E4F1: variants seen among roughly 807,000 people sequenced by gnomAD.
E4F1 encodes the protein E4F transcription factor 1.
E4F1 carries 30 observed loss-of-function variants against 72.9 expected under a neutral mutation model. That is an observed-to-expected ratio of 0.41 (90% confidence interval 0.31 to 0.56). The LOEUF (loss-of-function observed/expected upper bound fraction) is 0.56, where lower values mean the gene tolerates loss of function less well. E4F1 is among the 20% of genes least tolerant of loss of function. The probability of loss-of-function intolerance (pLI) is 0.25; values close to 1 mark genes in which losing one functional copy is unlikely to be tolerated. For synonymous variants in E4F1, 542 were observed against 478.2 expected (o/e 1.13, Z -1.74); for missense variants, 1,091 against 1,117.5 (o/e 0.98, Z 0.34).
intron 1 of E4F1, among the ~76,000 whole-genome samples, chr16:2,227,027 TTTTG>T (rs1459196600): frequency 7.9e-5 from 12 of 152,082 alleles, no homozygotes; most frequent in South Asian, 2.1e-4. Context: ...CTCCCGCAGT[TTTTG>T]TTTGTTTGTT....
chr16:2,230,783 CAG>C (rs556467331), intron 3 of E4F1: 38 of 149,410 alleles, frequency 2.5e-4, no homozygotes, highest in African/African-American at 8.4e-4. Context: ...CAATGCCACT[CAG>C]AGCTCGGAAT....
chr16:2,224,148 T>C (rs2093416772), intron 1 of E4F1, among the ~76,000 whole-genome samples: 1 of 152,162 alleles, frequency 6.6e-6, no homozygotes. Flanking sequence ...TCTAGGGCCC[T>C]GTTGGTGGTT....
At position 2,228,309 on chromosome 16, in the gene E4F1, G is replaced by A. The variant is rs747806181; in HGVS notation, c.158-63G>A. On this transcript the variant is annotated intron_variant, in intron 1 of 13. Transcript: ENST00000301727. ...TGTTCTAGGGCTGGAGGAAAAGCCA[G>A]ACGGAGCCCTGGCTGCCCAGCCTCC... is the stretch of plus-strand genomic sequence containing the variant. 6 of 1,603,424 alleles carry A rather than the reference G, an allele frequency of 3.7e-6. No individual in the cohort carries two copies. The African/African-American group carries it at 8.0e-5, about 21-fold the overall frequency.
rs770711229 is a variant in E4F1, at chr16:2,234,257, G to A, written c.1462G>A (p.Glu488Lys). The change falls in exon 10 of 14, where the codon GAG (glutamate) becomes AAG (lysine). Residue 488 changes from glutamate to lysine, a missense_variant. Transcript: ENST00000301727. ...GAAGCACCAGGAGGTGCACGTGCGT[G>A]AGCGCCGCTTCCGCTGTGGCGACTG... The part of the protein sequence containing the change: ...LKKHQEVHVR[E>K]RRFRCGDCGK... 1 of 1,612,880 alleles carries A rather than the reference G, an allele frequency of 6.2e-7. No individual in the cohort carries two copies. Among genetic ancestry groups the A allele is most frequent in the East Asian group, 2.2e-5 (1 of 44,880 alleles).
Position 2,224,689 on chromosome 16 carries a change from C to A in E4F1, c.157+919C>A, listed in dbSNP as rs2093421085. Among the ~76,000 whole-genome samples, 2 of 151,598 alleles carry A rather than the reference C, an allele frequency of 1.3e-5. 1 individual carries two copies. Among genetic ancestry groups the A allele is most frequent in the South Asian group, 4.2e-4 (2 of 4,800 alleles). ...GGCGCCTGTAGTGGGGAGGCTGAGG[C>A]GGAGAATGGCGTGAACTCGGGAGGT... On this transcript the variant is annotated intron_variant, in intron 1 of 13. Transcript: ENST00000301727.
rs1225656282 is a variant in E4F1, at chr16:2,234,608, C to T, written c.1619C>T (p.Thr540Ile). The T allele has an allele frequency of 6.3e-7, 1 of 1,599,862 alleles. No homozygotes were observed. Among genetic ancestry groups the T allele is most frequent in the Admixed American group, 1.7e-5 (1 of 58,746 alleles). Reference sequence around the variant, plus strand: ...AACGCACAGCAGGTGCACTTCAGGACACACCTGGAGGAGAAGCCGCACGTG... The same window carrying T: ...AACGCACAGCAGGTGCACTTCAGGATACACCTGGAGGAGAAGCCGCACGTG... Reference protein sequence around the residue: ...TKNAQQVHFRTHLEEKPHVCQ... With the variant: ...TKNAQQVHFRIHLEEKPHVCQ... The change falls in exon 11 of 14, where the codon ACA becomes ATA. Residue 540 changes from threonine to isoleucine, a missense_variant. Transcript: ENST00000301727.
Position 2,235,639 on chromosome 16 carries a change from C to T in E4F1, c.*67C>T, listed in dbSNP as rs1168285952. On this transcript the variant is annotated 3_prime_UTR_variant, in exon 14 of 14. Coordinates refer to ENST00000301727, the MANE Select transcript of E4F1 (RefSeq NM_004424.5). ...AGGACTCTGAGCGCCCCACCCATGC[C>T]TGCCTGGCCTGGTAGAGAAGATGGC... The T allele has an allele frequency of 1.0e-5, 14 of 1,376,010 alleles. No homozygotes were observed. The highest frequency in any genetic ancestry group is 4.9e-5 in the Admixed American group (2 of 40,658). 85.2% of individuals were successfully genotyped at this position (1,376,010 alleles called of 1,614,324 possible). A position where few individuals can be genotyped will look rare whatever the true frequency, so the allele number is the denominator to read the frequency against.
chr16:2,234,932 G>T lies in E4F1; in HGVS notation c.1866G>T (p.Thr622=). ...DSPAAATTVL[T]EDPHTVLVEF... ...CCGCGGCAGCCACCACCGTCCTCAC[G>T]GAAGACCCGCACACAGTGTTGGTGG... The change falls in exon 12 of 14, where the codon ACG becomes ACT. Residue 622 remains threonine (T), a synonymous_variant. Transcript: ENST00000301727. 2 of 1,567,972 alleles carry T rather than the reference G, an allele frequency of 1.3e-6. No homozygotes were observed. The highest frequency in any genetic ancestry group is 1.7e-6 in the Non-Finnish European group (2 of 1,156,360).
At position 2,233,914 on chromosome 16, in the gene E4F1, G is replaced by A. The variant is rs1303291099; in HGVS notation, c.1299G>A (p.Arg433=). The change falls in exon 9 of 14, where the codon AGG becomes AGA. Residue 433 remains arginine (R), a synonymous_variant. Coordinates refer to ENST00000301727, the MANE Select transcript of E4F1 (RefSeq NM_004424.5). ...CCAGCGAGGCCTCAGCGGTGCCCAG[G>A]ACCCACCCATGTCCTCAGTGCAGTG... ...QVASEASAVP[R]THPCPQCSET... is the part of the protein sequence containing the mutation. The A allele has an allele frequency of 1.2e-6, 2 of 1,602,820 alleles. No individual in the cohort carries two copies. Among genetic ancestry groups the A allele is most frequent in the Non-Finnish European group, 8.5e-7 (1 of 1,175,242 alleles).
At chr16:2,229,484 T>G (rs757694388) in intron 2 of E4F1, 86 bp from the exon 3 acceptor site, 2 of 1,433,442 alleles carry the variant, frequency 1.4e-6, no homozygotes, top group Non-Finnish European at 1.9e-6. Flanking sequence ...CTCCACAGCT[T>G]TACACTGGCA....
At chr16:2,231,054 C>T (rs2093464531) in intron 3 of E4F1, 1 of 152,474 alleles carries the variant, frequency 6.6e-6, no homozygotes, top group African/African-American at 2.4e-5. Context: ...TTGCGGGCAT[C>T]CTGGGTACTC....
chr16:2,229,901 C>A (rs2093456708), intron 3 of E4F1: 1 of 533,212 alleles, frequency 1.9e-6, no homozygotes, highest in Admixed American at 3.1e-5. Flanking sequence ...ACCCAGGCAC[C>A]AGGGAGTCAT....
At chr16:2,231,718 G>A in intron 3 of E4F1, 1 of 164,320 alleles carries the variant, frequency 6.1e-6, no homozygotes. Flanking sequence ...CTGCCCTGCT[G>A]CAGTGGCCCA....
At chr16:2,229,897 G>A (rs566643474) in intron 3 of E4F1, 7 of 536,940 alleles carry the variant, frequency 1.3e-5, no homozygotes, top group African/African-American at 1.1e-4. Context: ...GCACACCCAG[G>A]CACCAGGGAG....
At chr16:2,224,728 A>T (rs1237159030) in intron 1 of E4F1, among the ~76,000 whole-genome samples, 3 of 152,052 alleles carry the variant, frequency 2.0e-5, no homozygotes, top group Non-Finnish European at 4.4e-5. Context: ...GCTTGCGGTG[A>T]GCCGAGACCG....
intron 2 of E4F1, 38 bp downstream of exon 2, chr16:2,228,561 C>T (rs1309735186): frequency 1.2e-6 from 2 of 1,600,072 alleles, no homozygotes; most frequent in African/African-American, 2.7e-5. Context: ...CTCCCGGGTT[C>T]ACCTGACAGG....
Position 2,235,248 on chromosome 16 carries a change from G to C in E4F1, c.2031G>C (p.Gln677His), listed in dbSNP as rs1244080616. 6.2e-7 allele frequency: 1 copy of C among 1,610,578 alleles called. No individual in the cohort carries two copies. The highest frequency in any genetic ancestry group is 8.5e-7 in the Non-Finnish European group (1 of 1,179,468). Residue 677 changes from glutamine to histidine, a missense_variant, in exon 14 of 14, where the codon CAG becomes CAC. Physicochemically the swap from Gln to His is conservative, Grantham distance 24 (BLOSUM62 0). This residue lies in a region of E4F1 where 622 missense variants were observed against 628.0 expected (regional missense o/e 0.99). Transcript: ENST00000301727. ...VDSHIMKVVQ[Q>H]IVHQASAGHQ... ...GCCACATCATGAAGGTGGTGCAGCAGATCGTGCACCAGGCTAGCGCCGGCC... is the reference window on the plus strand; with the variant it reads ...GCCACATCATGAAGGTGGTGCAGCACATCGTGCACCAGGCTAGCGCCGGCC...
chr16:2,223,724 G>A lies in E4F1; in HGVS notation c.111G>A (p.Leu37=). 3.2e-6 allele frequency: 5 copies of A among 1,543,806 alleles called. No homozygotes were observed. The highest frequency in any genetic ancestry group is 4.3e-6 in the Non-Finnish European group (5 of 1,156,786). Residue 37 remains leucine, a synonymous_variant, in exon 1 of 14, where the codon TTG becomes TTA. Coordinates refer to ENST00000301727, the MANE Select transcript of E4F1 (RefSeq NM_004424.5). ...CAGTTGCGGCGGTGGCGGCGGCCTTGGCCCCCAGCGGCTTCCTCGGCCTCC... is the reference window on the plus strand; with the variant it reads ...CAGTTGCGGCGGTGGCGGCGGCCTTAGCCCCCAGCGGCTTCCTCGGCCTCC... ...EGAVAAVAAA[L]APSGFLGLPA...
In E4F1 at chr16:2,232,332, G is replaced by T. The variant is rs1254021936; in HGVS notation, c.577G>T (p.Val193Leu). 22 of 1,607,246 alleles carry T rather than the reference G, an allele frequency of 1.4e-5. No individual in the cohort carries two copies. The highest frequency in any genetic ancestry group is 1.7e-5 in the Non-Finnish European group (20 of 1,176,348). ...ACTGGTGAACAAGGATGGCCGCTAT[G>T]TGTGTGCGCTGTGCCACAAGACCTT... ...KLLVNKDGRY[V>L]CALCHKTFKT... The change falls in exon 4 of 14, where the codon GTG becomes TTG. Residue 193 changes from valine to leucine, a missense_variant. Around this residue, in one of 5 missense-constraint regions of E4F1, gnomAD observed 362 missense variants for 358.6 expected, o/e 1.01. Transcript: ENST00000301727.
Sources: gnomAD v4.1 joint callset for allele counts (sites outside exome capture counted in the v4.1 genomes callset) on GRCh38, gnomAD v4.1.1 for gene constraint, gnomAD v4.1.1 regional missense constraint, MANE v1.5 for transcripts, NCBI Gene and HGNC (gene_info 2026-07-23, HGNC 2026-07-21) for gene names.